The following CCSER1 variants were observed in gnomAD, a reference collection of about 807,000 sequenced individuals.
CCSER1 encodes the protein serine-rich coiled-coil domain-containing protein 1.
CCSER1 carries 41 observed loss-of-function variants against 82.0 expected under a neutral mutation model. That is an observed-to-expected ratio of 0.50 (90% CI 0.39 to 0.65). The LOEUF (loss-of-function observed/expected upper bound fraction) is 0.65, where lower values mean the gene tolerates loss of function less well. CCSER1 is among the 30% of genes least tolerant of loss of function. The pLI, the probability that CCSER1 is intolerant of heterozygous loss-of-function variation, is 0.00. For synonymous variants in CCSER1, 414 were observed against 383.9 expected (o/e 1.08, Z -0.92); for missense variants, 1,119 against 1,064.2 (o/e 1.05, Z -0.72).
intron 10 of CCSER1, among the ~76,000 whole-genome samples, chr4:91,386,477 T>C (rs951103845): frequency 6.6e-6 from 1 of 151,990 alleles, no homozygotes; most frequent in Non-Finnish European, 1.5e-5. Context: ...AGAATATCAA[T>C]TGATAAATGT....
chr4:91,115,779 C>G (rs11721961), intron 10 of CCSER1, among the ~76,000 whole-genome samples: 23,147 of 142,306 alleles, frequency 0.16, 2,319 homozygotes, highest in African/African-American at 0.27. Flanking sequence ...GCTTCCTCCT[C>G]TTGCTCCCTG....
intron 3 of CCSER1, among the ~76,000 whole-genome samples, chr4:90,366,725 A>C (rs1227776986): frequency 1.3e-5 from 2 of 151,736 alleles, no homozygotes; most frequent in Non-Finnish European, 2.9e-5. Flanking sequence ...TTTTTAGTAT[A>C]CCCAGTGAAA....
chr4:91,129,556 G>C (rs773092227), intron 10 of CCSER1, among the ~76,000 whole-genome samples: 2 of 151,920 alleles, frequency 1.3e-5, no homozygotes, highest in Non-Finnish European at 2.9e-5. Flanking sequence ...TAATATGTAA[G>C]ATATAATGGA....
intron 7 of CCSER1, among the ~76,000 whole-genome samples, chr4:90,736,247 C>T (rs921257483): frequency 3.3e-5 from 5 of 151,954 alleles, no homozygotes; most frequent in South Asian, 2.1e-4. Flanking sequence ...AGATTAAGTC[C>T]AATGTTTCTT....
intron 5 of CCSER1, among the ~76,000 whole-genome samples, chr4:90,506,680 G>A (rs1236959606): frequency 6.6e-6 from 1 of 151,800 alleles, no homozygotes; most frequent in Admixed American, 6.6e-5. Flanking sequence ...CAGGAGAATG[G>A]CTTGAACCTG....
At chr4:90,741,633 A>G (rs1041887345) in intron 7 of CCSER1, among the ~76,000 whole-genome samples, 2 of 152,236 alleles carry the variant, frequency 1.3e-5, no homozygotes, top group African/African-American at 4.8e-5. Context: ...ACTTAGTATT[A>G]TCATTTCATA....
chr4:90,720,611 A>C (rs1482542413), intron 6 of CCSER1, among the ~76,000 whole-genome samples: 1 of 152,074 alleles, frequency 6.6e-6, no homozygotes, highest in Non-Finnish European at 1.5e-5. Flanking sequence ...AAAGAGGGTA[A>C]CCTAAATTTT....
At chr4:91,178,855 G>A (rs1325464021) in intron 10 of CCSER1, among the ~76,000 whole-genome samples, 1 of 152,034 alleles carries the variant, frequency 6.6e-6, no homozygotes, top group Non-Finnish European at 1.5e-5. Flanking sequence ...GATGTTAGCT[G>A]GATATTTTGC....
At chr4:90,706,027 C>T (rs1287663372) in intron 6 of CCSER1, among the ~76,000 whole-genome samples, 3 of 152,166 alleles carry the variant, frequency 2.0e-5, no homozygotes, top group African/African-American at 7.2e-5. Flanking sequence ...CCTGGTACCT[C>T]AGTTGGAAAT....
intron 6 of CCSER1, among the ~76,000 whole-genome samples, chr4:90,671,824 A>G (rs1732855736): frequency 6.6e-6 from 1 of 152,048 alleles, no homozygotes; most frequent in South Asian, 2.1e-4. Context: ...ACTCTTGAAA[A>G]TCAAAATTCC....
chr4:90,596,415 AG>A (rs1360603139), intron 5 of CCSER1, among the ~76,000 whole-genome samples: 1 of 151,896 alleles, frequency 6.6e-6, no homozygotes, highest in Non-Finnish European at 1.5e-5. Flanking sequence ...ACTGATTTAA[AG>A]TATAGGACAT....
chr4:91,066,335 G>C (rs1720804660), intron 9 of CCSER1, among the ~76,000 whole-genome samples: 1 of 152,176 alleles, frequency 6.6e-6, no homozygotes. Context: ...GTTGCCAAAT[G>C]GTCGCACAGT....
At chr4:90,144,749 A>G (rs1725488250) in intron 1 of CCSER1, among the ~76,000 whole-genome samples, 2 of 152,184 alleles carry the variant, frequency 1.3e-5, no homozygotes, top group African/African-American at 2.4e-5. Flanking sequence ...TATTCAGACT[A>G]TGTAGTATTT....
At chr4:91,372,279 T>C (rs1303210197) in intron 10 of CCSER1, among the ~76,000 whole-genome samples, 3 of 152,112 alleles carry the variant, frequency 2.0e-5, no homozygotes, top group Admixed American at 6.6e-5. Context: ...CTTCTAATCT[T>C]CTAAAATGCA....
At chr4:91,275,259 A>G (rs1277661896) in intron 10 of CCSER1, among the ~76,000 whole-genome samples, 1 of 152,134 alleles carries the variant, frequency 6.6e-6, no homozygotes. Context: ...CCCACAATGT[A>G]TAAGAGTTCC....
intron 10 of CCSER1, among the ~76,000 whole-genome samples, chr4:91,373,714 C>T (rs1750200184): frequency 6.6e-6 from 1 of 152,124 alleles, no homozygotes; most frequent in Admixed American, 6.6e-5. Context: ...AGGTCTCTCA[C>T]TTTCAATAAA....
At chr4:91,515,084 T>A (rs1760031917) in intron 10 of CCSER1, among the ~76,000 whole-genome samples, 1 of 152,160 alleles carries the variant, frequency 6.6e-6, no homozygotes, top group African/African-American at 2.4e-5. Context: ...TCAAATATAT[T>A]TAACTATCAC....
intron 10 of CCSER1, among the ~76,000 whole-genome samples, chr4:91,292,742 A>G (rs1743850517): frequency 6.6e-6 from 1 of 152,056 alleles, no homozygotes; most frequent in African/African-American, 2.4e-5. Context: ...GGAGCATTTA[A>G]GAATCATTAA....
intron 5 of CCSER1, among the ~76,000 whole-genome samples, chr4:90,476,021 CGTGT>C (rs148001576): frequency 5.5e-4 from 81 of 148,488 alleles, no homozygotes; most frequent in African/African-American, 1.6e-3. Flanking sequence ...CTTCTTTTCT[CGTGT>C]GTGTGTGTGT....
Sources: allele counts gnomAD v4.1 joint callset (sites outside exome capture counted in the v4.1 genomes callset), GRCh38; gene constraint gnomAD v4.1.1; transcripts MANE v1.5; gene names NCBI Gene and HGNC (gene_info 2026-07-23, HGNC 2026-07-21).